Variants in SLC12A1 observed in about 807,000 individuals in gnomAD.
The protein encoded by SLC12A1 is solute carrier family 12 member 1.
A neutral mutation model predicts 130.4 loss-of-function variants in SLC12A1; 89 were observed. The ratio of observed to expected loss-of-function variants is 0.68; its 90% CI spans 0.58 to 0.81. The LOEUF (loss-of-function observed/expected upper bound fraction) is 0.81, where lower values mean the gene tolerates loss of function less well. SLC12A1 is among the 40% of genes least tolerant of loss of function. The pLI is 0.00. For synonymous variants in SLC12A1, 499 were observed against 460.0 expected, an observed-to-expected ratio of 1.08 and a Z score of -1.09; for missense variants, 1,310 against 1,336.4, an observed-to-expected ratio of 0.98 and a Z score of 0.31.
chr15:48,285,559 G>T (rs2042048221), intron 21 of SLC12A1, among the ~76,000 whole-genome samples: 1 of 152,180 alleles, frequency 6.6e-6, no homozygotes, highest in Non-Finnish European at 1.5e-5. Flanking sequence ...GATGGAAAGG[G>T]GATAGAAATT....
At chr15:48,247,240 CACTT>C in intron 12 of SLC12A1, 93 bp from the exon 13 acceptor site, 1 of 1,266,000 alleles carries the variant, frequency 7.9e-7, no homozygotes, top group Non-Finnish European at 1.1e-6. Flanking sequence ...TCTTGTGTAT[CACTT>C]AATCTTTCCC....
Position 48,208,073 on chromosome 15 carries a change from C to G in SLC12A1, c.354C>G (p.Thr118=). 3.7e-6 allele frequency: 6 copies of G among 1,613,268 alleles called. No individual in the cohort carries two copies. The highest frequency in any genetic ancestry group is 3.4e-6 in the Non-Finnish European group (4 of 1,179,500). ...AVPKIEYYRN[T]GSISGPKVNR... Reference sequence around the variant, plus strand: ...CCAAGATAGAGTACTATCGTAACACCGGCAGCATCAGTGGGCCCAAGGTCA... The same window carrying G: ...CCAAGATAGAGTACTATCGTAACACGGGCAGCATCAGTGGGCCCAAGGTCA... The change falls in exon 2 of 27, where the codon ACC becomes ACG. Residue 118 remains threonine (T), a synonymous_variant. Coordinates refer to ENST00000380993, the MANE Select transcript of SLC12A1 (RefSeq NM_000338.3).
chr15:48,242,608 G>C (rs560073737), intron 10 of SLC12A1, among the ~76,000 whole-genome samples: 23 of 152,252 alleles, frequency 1.5e-4, no homozygotes, highest in Non-Finnish European at 1.9e-4. Flanking sequence ...TTCAAGACTA[G>C]CTGGGAAAAC....
chr15:48,256,833 C>CT (rs1555384115), intron 16 of SLC12A1, among the ~76,000 whole-genome samples: 2 of 147,344 alleles, frequency 1.4e-5, no homozygotes, highest in Admixed American at 6.7e-5. Flanking sequence ...CCCCCCCCCC[C>CT]AAATTTCTTG....
chr15:48,270,405 G>T (rs552058642), intron 19 of SLC12A1, among the ~76,000 whole-genome samples: 20 of 151,916 alleles, frequency 1.3e-4, no homozygotes, highest in African/African-American at 4.8e-4. Flanking sequence ...AGAAGATTTC[G>T]AAGGAAGTAC....
chr15:48,286,930 A>T (rs1006377585), intron 21 of SLC12A1, among the ~76,000 whole-genome samples: 1 of 152,160 alleles, frequency 6.6e-6, no homozygotes, highest in African/African-American at 2.4e-5. Flanking sequence ...TTGTAAATAA[A>T]TTTTTCTCCC....
chr15:48,222,409 T>A (rs1039648891), intron 4 of SLC12A1: 2 of 152,128 alleles, frequency 1.3e-5, no homozygotes, highest in African/African-American at 2.4e-5. Context: ...CTGTAGAGAA[T>A]GAAGAATCCT....
intron 15 of SLC12A1, among the ~76,000 whole-genome samples, chr15:48,253,265 G>A (rs567544567): frequency 2.6e-5 from 4 of 152,226 alleles, no homozygotes; most frequent in Middle Eastern, 3.4e-3. Context: ...TGACAAACTC[G>A]TACAGTGCTG....
chr15:48,279,637 T>C (rs1311947870), intron 20 of SLC12A1, among the ~76,000 whole-genome samples: 1 of 152,322 alleles, frequency 6.6e-6, no homozygotes, highest in Non-Finnish European at 1.5e-5. Flanking sequence ...AGCCATGATA[T>C]TTCATACTGC....
chr15:48,285,835 T>TCAC, intron 21 of SLC12A1, among the ~76,000 whole-genome samples: 1 of 152,352 alleles, frequency 6.6e-6, no homozygotes, highest in Middle Eastern at 3.4e-3. Flanking sequence ...GAGAGCTTGT[T>TCAC]ACACATTTTA....
chr15:48,267,158 C>T (rs2041840695), intron 17 of SLC12A1, among the ~76,000 whole-genome samples: 1 of 152,202 alleles, frequency 6.6e-6, no homozygotes, highest in South Asian at 2.1e-4. Context: ...CTGTCCATTT[C>T]TTGAAATTAG....
chr15:48,283,471 T>G (rs1321869451), intron 20 of SLC12A1, among the ~76,000 whole-genome samples: 2 of 152,226 alleles, frequency 1.3e-5, no homozygotes, highest in Admixed American at 1.3e-4. Context: ...AGATTTTCTA[T>G]AGCTGCTGAT....
At chr15:48,247,085 T>C in intron 12 of SLC12A1, 69 bp downstream of exon 12, 1 of 1,293,424 alleles carries the variant, frequency 7.7e-7, no homozygotes, top group Non-Finnish European at 1.1e-6. Flanking sequence ...CAAGCTGAAA[T>C]ATTCGTTCTC....
chr15:48,264,415 C>T (rs74671283), intron 17 of SLC12A1, among the ~76,000 whole-genome samples: 7,417 of 152,158 alleles, frequency 0.049, 532 homozygotes, highest in African/African-American at 0.15. Context: ...AGTTCAAGCC[C>T]TTATAACCCA....
chr15:48,279,282 A>T (rs2041986711), intron 20 of SLC12A1, among the ~76,000 whole-genome samples: 1 of 152,196 alleles, frequency 6.6e-6, no homozygotes, highest in Non-Finnish European at 1.5e-5. Context: ...GGGCCTAATA[A>T]ATCTTAAGTA....
At chr15:48,297,797 C>T (rs1389947848) in intron 24 of SLC12A1, among the ~76,000 whole-genome samples, 1 of 152,132 alleles carries the variant, frequency 6.6e-6, no homozygotes, top group Non-Finnish European at 1.5e-5. Flanking sequence ...CTAGAATATC[C>T]AGGTCAAGGA....
intron 9 of SLC12A1, among the ~76,000 whole-genome samples, chr15:48,237,627 A>G (rs2041454522): frequency 6.6e-6 from 1 of 152,306 alleles, no homozygotes; most frequent in South Asian, 2.1e-4. Flanking sequence ...CATTCTTTTT[A>G]TTTAAAAATA....
At chr15:48,226,743 C>T in intron 5 of SLC12A1, 172 bp downstream of exon 5, 1 of 635,662 alleles carries the variant, frequency 1.6e-6, no homozygotes, top group Non-Finnish European at 2.8e-6. Flanking sequence ...TAGTCCAGGT[C>T]TACTCTGGTC....
At chr15:48,278,617 C>A (rs1239937011) in intron 20 of SLC12A1, among the ~76,000 whole-genome samples, 1 of 152,134 alleles carries the variant, frequency 6.6e-6, no homozygotes, top group East Asian at 1.9e-4. Context: ...ACTTTGAGGG[C>A]AATTACAAGA....
Sources: allele counts gnomAD v4.1 joint callset (sites outside exome capture counted in the v4.1 genomes callset), GRCh38; gene constraint gnomAD v4.1.1; transcripts MANE v1.5; gene names NCBI Gene and HGNC (gene_info 2026-07-23, HGNC 2026-07-21).